ANKFN1: variants seen among roughly 807,000 people sequenced by gnomAD.
ANKFN1 encodes ankyrin repeat and fibronectin type III domain containing 1, also known as ankyrin repeat and fibronectin type-III domain-containing protein 1.
A neutral mutation model predicts 108.7 loss-of-function variants in ANKFN1; 74 were observed. That is an observed-to-expected ratio of 0.68 (90% CI 0.56 to 0.83). ANKFN1 has a LOEUF of 0.83. Among genes scored for constraint, ANKFN1 ranks in the 40% least tolerant of loss-of-function variants. ANKFN1 has a pLI of 0.00. For missense variants in ANKFN1, 1,505 were observed against 1,382.3 expected (o/e 1.09, Z -1.41); for synonymous variants, 547 against 516.2 (o/e 1.06, Z -0.81).
At chr17:56,057,741 G>T (rs534400499) in intron 4 of ANKFN1, among the ~76,000 whole-genome samples, 5 of 151,858 alleles carry the variant, frequency 3.3e-5, no homozygotes, top group African/African-American at 1.2e-4. Context: ...AGCCAAGATT[G>T]TGCCACTGCC....
intron 1 of ANKFN1, among the ~76,000 whole-genome samples, chr17:56,200,245 G>A (rs1913927821): frequency 6.6e-6 from 1 of 152,152 alleles, no homozygotes; most frequent in African/African-American, 2.4e-5. Context: ...TTCAAAAGTG[G>A]AATTTTATTT....
rs192532973 is a variant in ANKFN1 at position 56,260,842 on chromosome 17, T to G, written c.53+32885T>G. On this transcript the variant is annotated intron_variant, in intron 3 of 20. Transcript: ENST00000682825. ...CAAACGATGTCACCTGCTTAGTGCC[T>G]GGGTGGCTTCCTAATTTTAATATGC... is the stretch of plus-strand genomic sequence containing the variant. Among the ~76,000 whole-genome samples the G allele has an allele frequency of 1.5e-3, 221 of 152,296 alleles. 2 individuals carry two copies. Among genetic ancestry groups the G allele is most frequent in the African/African-American group, 5.2e-3 (218 of 41,566 alleles).
At chr17:56,155,662 G>A (rs1909032294) in intron 1 of ANKFN1, among the ~76,000 whole-genome samples, 1 of 152,110 alleles carries the variant, frequency 6.6e-6, no homozygotes, top group African/African-American at 2.4e-5. Context: ...GATTTGGGGA[G>A]TCAGCTTGGC....
intron 3 of ANKFN1, among the ~76,000 whole-genome samples, chr17:56,236,530 A>G (rs954265949): frequency 2.0e-5 from 3 of 152,046 alleles, no homozygotes. Flanking sequence ...GTGGTTTTTG[A>G]ACATAATTTT....
At chr17:56,481,245 G>A (rs942442897) in intron 17 of ANKFN1, among the ~76,000 whole-genome samples, 4 of 152,076 alleles carry the variant, frequency 2.6e-5, no homozygotes, top group African/African-American at 9.7e-5. Flanking sequence ...ATAATCTACA[G>A]CAATGTCCCA....
At chr17:56,091,756 G>C (rs751974075) in intron 4 of ANKFN1, among the ~76,000 whole-genome samples, 1 of 151,480 alleles carries the variant, frequency 6.6e-6, no homozygotes, top group Non-Finnish European at 1.5e-5. Context: ...AGCAGCCAGA[G>C]ACTATGTGGT....
chr17:56,492,204 A>G lies in ANKFN1; in HGVS notation c.2278A>G (p.Arg760Gly). Residue 760 changes from arginine (R) to glycine (G), a missense_variant, in exon 19 of 21, where the codon AGA becomes GGA. Arg to Gly is a moderately radical substitution (Grantham distance 125). Coordinates refer to ENST00000682825, the MANE Select transcript of ANKFN1 (RefSeq NM_001370326.1). ...MFELVHFCSY[R>G]EKFISLYCRL... ...TTTTCCAGTTCATTTTTGCAGCTAC[A>G]GAGAGAAATTTATTAGTCTGTATTG... The G allele has an allele frequency of 1.4e-6, 1 of 701,024 alleles. No homozygotes were observed. The highest frequency in any genetic ancestry group is 2.6e-6 in the Non-Finnish European group (1 of 383,534). 43.4% of individuals were successfully genotyped at this position (701,024 alleles called of 1,614,324 possible).
intron 1 of ANKFN1, among the ~76,000 whole-genome samples, chr17:56,179,287 G>C (rs1239157635): frequency 6.6e-6 from 1 of 152,146 alleles, no homozygotes; most frequent in African/African-American, 2.4e-5. Context: ...CACTTTCTAA[G>C]CTTTTAGTCA....
At chr17:56,243,647 C>T (rs2144015703) in intron 3 of ANKFN1, among the ~76,000 whole-genome samples, 1 of 152,208 alleles carries the variant, frequency 6.6e-6, no homozygotes, top group African/African-American at 2.4e-5. Flanking sequence ...TCTAGTCCTT[C>T]CTAGCCCTGA....
chr17:56,185,997 A>G (rs1351200329), intron 1 of ANKFN1, among the ~76,000 whole-genome samples: 4 of 152,090 alleles, frequency 2.6e-5, no homozygotes, highest in African/African-American at 9.7e-5. Context: ...TTAACTGTCC[A>G]CTCTCAAAGG....
chr17:56,289,497 G>A (rs1184678074), intron 3 of ANKFN1, among the ~76,000 whole-genome samples: 1 of 152,178 alleles, frequency 6.6e-6, no homozygotes, highest in Non-Finnish European at 1.5e-5. Context: ...ACGTCAGCAG[G>A]AAGCTAGCCT....
At chr17:56,116,944 A>G (rs911454844) in intron 4 of ANKFN1, among the ~76,000 whole-genome samples, 2 of 152,152 alleles carry the variant, frequency 1.3e-5, no homozygotes, top group African/African-American at 4.8e-5. Context: ...AGTTAGTAAT[A>G]CAGGTGTGCT....
chr17:56,408,264 A>G (rs2047982123), intron 8 of ANKFN1, among the ~76,000 whole-genome samples: 1 of 152,128 alleles, frequency 6.6e-6, no homozygotes, highest in Admixed American at 6.5e-5. Context: ...ATGGTCAATC[A>G]GTTGGCCCAT....
At chr17:56,116,441 A>C (rs1417830896) in intron 4 of ANKFN1, among the ~76,000 whole-genome samples, 3 of 152,168 alleles carry the variant, frequency 2.0e-5, no homozygotes, top group Admixed American at 6.5e-5. Context: ...CCAGTGTTGC[A>C]GATGGGGCCT....
intron 4 of ANKFN1, among the ~76,000 whole-genome samples, chr17:56,117,343 G>A (rs1906344684): frequency 6.6e-6 from 1 of 152,134 alleles, no homozygotes; most frequent in African/African-American, 2.4e-5. Flanking sequence ...TGCATCATTA[G>A]GAGACTATTC....
intron 4 of ANKFN1, among the ~76,000 whole-genome samples, chr17:56,058,966 G>A (rs1904926766): frequency 6.6e-6 from 1 of 152,164 alleles, no homozygotes; most frequent in Non-Finnish European, 1.5e-5. Flanking sequence ...GGGATTGCTG[G>A]GTCAAATGGT....
At chr17:56,412,701 A>T (rs1181197491) in intron 8 of ANKFN1, among the ~76,000 whole-genome samples, 1 of 152,214 alleles carries the variant, frequency 6.6e-6, no homozygotes, top group Non-Finnish European at 1.5e-5. Context: ...GTCTTTGGCC[A>T]CGAACTGAAG....
At chr17:56,268,505 A>G (rs1325301942) in intron 3 of ANKFN1, among the ~76,000 whole-genome samples, 1 of 152,196 alleles carries the variant, frequency 6.6e-6, no homozygotes, top group African/African-American at 2.4e-5. Context: ...ATAACCTAAC[A>G]TCATACCTAG....
intron 3 of ANKFN1, among the ~76,000 whole-genome samples, chr17:56,316,957 A>T (rs2045225798): frequency 6.6e-6 from 1 of 152,220 alleles, no homozygotes; most frequent in Non-Finnish European, 1.5e-5. Flanking sequence ...GTTCCTTTTT[A>T]AAAAAGAAAA....
Sources: allele counts gnomAD v4.1 joint callset (sites outside exome capture counted in the v4.1 genomes callset), GRCh38; gene constraint gnomAD v4.1.1; transcripts MANE v1.5; gene names NCBI Gene and HGNC (gene_info 2026-07-23, HGNC 2026-07-21).